The following UBA52 variants were observed in gnomAD, a reference collection of about 807,000 sequenced individuals.
UBA52 encodes the protein ubiquitin A-52 residue ribosomal protein fusion product 1.
UBA52 carries 1 observed loss-of-function variant against 15.3 expected under a neutral mutation model. The ratio of observed to expected loss-of-function variants is 0.07; its 90% confidence interval spans 0.02 to 0.31. The LOEUF is 0.31. Ranked by LOEUF, UBA52 falls within the 10% of genes least tolerant of loss-of-function variation. The pLI is 1.00. For synonymous variants in UBA52, 50 were observed against 58.3 expected, an observed-to-expected ratio of 0.86 and a Z score of 0.65; for missense variants, 87 against 168.0, an observed-to-expected ratio of 0.52 and a Z score of 2.66.
upstream of UBA52, chr19:18,567,250 C>A: frequency 6.8e-7 from 1 of 1,478,008 alleles, no homozygotes; most frequent in South Asian, 1.1e-5. Flanking sequence ...TCTGGAAGGC[C>A]ACCTTGGGGC....
In UBA52 at chr19:18,575,992, C is replaced by G. The variant is rs906908809; in HGVS notation, c.*842C>G. ...CGATCTCCTGACCTTGTGATCCATT[C>G]GCCTTGGCCTCCCAGAATGCTGGTA... On this transcript the variant is annotated 3_prime_UTR_variant, in exon 5 of 5. Coordinates refer to ENST00000442744, the MANE Select transcript of UBA52 (RefSeq NM_001033930.3). 2 of 152,258 alleles carry G rather than the reference C, an allele frequency of 1.3e-5. No individual in the cohort carries two copies. Among genetic ancestry groups the G allele is most frequent in the African/African-American group, 4.8e-5 (2 of 41,436 alleles). 9.4% of individuals were successfully genotyped at this position (152,258 alleles called of 1,614,324 possible).
chr19:18,568,794 G>A, upstream of UBA52: 1 of 599,770 alleles, frequency 1.7e-6, no homozygotes, highest in African/African-American at 2.0e-5. Flanking sequence ...TGGAATTCCT[G>A]GGGGGGTCTT....
intron 3 of UBA52, among the ~76,000 whole-genome samples, chr19:18,574,544 G>C (rs1350784065): frequency 6.6e-6 from 1 of 152,118 alleles, no homozygotes; most frequent in East Asian, 1.9e-4. Flanking sequence ...GTGAGCCATG[G>C]TGCCCCGCCT....
chr19:18,566,080 C>T, the UBA52 span, among the ~76,000 whole-genome samples: 1,285 of 152,310 alleles, frequency 8.4e-3, 21 homozygotes, highest in African/African-American at 0.028. Context: ...ATCCATCCAC[C>T]TCGACCTCCC....
At chr19:18,568,852 C>T (rs958393406), upstream of UBA52, 49 of 564,314 alleles carry the variant, frequency 8.7e-5, no homozygotes, top group African/African-American at 8.4e-4. Context: ...CTGCAAGACC[C>T]CTCTGCCATG....
At chr19:18,573,873 G>C in intron 3 of UBA52, 125 bp downstream of exon 3, 1 of 891,414 alleles carries the variant, frequency 1.1e-6, no homozygotes, top group Middle Eastern at 2.2e-4. Flanking sequence ...TAATGGGACT[G>C]GGCACAGTGG....
chr19:18,573,871 C>T lies in UBA52; in HGVS notation c.190+123C>T, dbSNP rs191234720. The T allele has an allele frequency of 3.2e-6, 3 of 931,048 alleles. No homozygotes were observed. In the Admixed American group the frequency reaches 7.5e-5, roughly 23 times the overall value. The allele number at this position is 931,048 out of a possible 1,614,324, so 57.7% of individuals were successfully genotyped here. On this transcript the variant is annotated intron_variant, in intron 3 of 4. Coordinates refer to ENST00000442744, the MANE Select transcript of UBA52 (RefSeq NM_001033930.3). ...TTGTGTTTTGTTTAAAATAATGGGA[C>T]TGGGCACAGTGGCTCATGCCTGTAA... is the stretch of plus-strand genomic sequence containing the variant.
At position 18,573,266 on chromosome 19, in the gene UBA52, T is replaced by C. The variant is rs1568428171; in HGVS notation, c.-8-27T>C. On this transcript the variant is annotated intron_variant, in intron 1 of 4. Coordinates refer to ENST00000442744, the MANE Select transcript of UBA52 (RefSeq NM_001033930.3). ...TACTCAGGCATGCATTGCTCACCAGTCTATCCTGCCTCCCTTCCTCCTGCA... is the reference window on the plus strand; with the variant it reads ...TACTCAGGCATGCATTGCTCACCAGCCTATCCTGCCTCCCTTCCTCCTGCA... 4.4e-6 allele frequency: 7 copies of C among 1,605,874 alleles called. No homozygotes were observed. The Middle Eastern group carries it at 8.3e-4, about 190-fold the overall frequency.
chr19:18,572,207 C>T (rs1975526088), intron 1 of UBA52: 2 of 152,274 alleles, frequency 1.3e-5, no homozygotes, highest in South Asian at 4.1e-4. Flanking sequence ...TTAACTCTGC[C>T]AGTCACTGCG....
the UBA52 span, chr19:18,564,867 A>G: frequency 6.2e-7 from 1 of 1,613,544 alleles, no homozygotes; most frequent in Non-Finnish European, 8.5e-7. Flanking sequence ...CTCCACCATC[A>G]GGCTGGACCG....
upstream of UBA52, chr19:18,571,661 G>C (rs986369181): frequency 4.6e-5 from 7 of 152,300 alleles, no homozygotes; most frequent in African/African-American, 1.7e-4. Context: ...ATCGTCTCAA[G>C]TGACTCGGCG....
intron 2 of UBA52, 22 bp downstream of exon 2, chr19:18,573,425 G>T: frequency 6.2e-7 from 1 of 1,600,420 alleles, no homozygotes; most frequent in South Asian, 1.1e-5. Context: ...TGGGTGTGGG[G>T]GCTCTGGCTG....
Position 18,575,571 on chromosome 19 carries a change from G to A in UBA52, c.*421G>A. On this transcript the variant is annotated 3_prime_UTR_variant, in exon 5 of 5. Transcript: ENST00000442744. Reference sequence around the variant, plus strand: ...GGTAGAAAATTAGGTACACCCAATGGTGTAGAACGTTGATTCTCAAATTTT... The same window carrying A: ...GGTAGAAAATTAGGTACACCCAATGATGTAGAACGTTGATTCTCAAATTTT... 1 of 209,316 alleles carries A rather than the reference G, an allele frequency of 4.8e-6. No individual in the cohort carries two copies. The highest frequency in any genetic ancestry group is 7.7e-5 in the South Asian group (1 of 13,046). 13.0% of individuals were successfully genotyped at this position (209,316 alleles called of 1,614,324 possible). A position where few individuals can be genotyped will look rare whatever the true frequency, so the allele number is the denominator to read the frequency against.
upstream of UBA52, among the ~76,000 whole-genome samples, chr19:18,571,066 T>C (rs1975461927): frequency 2.7e-5 from 4 of 148,938 alleles, no homozygotes; most frequent in Admixed American, 2.0e-4. Context: ...ATCCCAGCAC[T>C]TTGGGAGGCC....
At position 18,575,688 on chromosome 19, in the gene UBA52, T is replaced by G. The variant is rs1180832465; in HGVS notation, c.*538T>G. ...ATCCGCCCATCTCAGCCCCTCAAAG[T>G]GTTGGGATTACAAGCAAGAACTGCC... On this transcript the variant is annotated 3_prime_UTR_variant, in exon 5 of 5. Coordinates refer to ENST00000442744, the MANE Select transcript of UBA52 (RefSeq NM_001033930.3). 6.1e-6 allele frequency: 1 copy of G among 162,626 alleles called. No individual in the cohort carries two copies. Among genetic ancestry groups the G allele is most frequent in the East Asian group, 1.8e-4 (1 of 5,480 alleles). The allele number at this position is 162,626 out of a possible 1,614,324, so 10.1% of individuals were successfully genotyped here. A position where few individuals can be genotyped will look rare whatever the true frequency, so the allele number is the denominator to read the frequency against.
rs774082003 is a variant in UBA52, at chr19:18,573,422, G to C, written c.103+19G>C. 1 of 1,603,064 alleles carries C rather than the reference G, an allele frequency of 6.2e-7. No individual in the cohort carries two copies. The highest frequency in any genetic ancestry group is 8.5e-7 in the Non-Finnish European group (1 of 1,171,094). Reference sequence around the variant, plus strand: ...AAGGAGGGTGAGTAGGGCTGGGTGTGGGGGCTCTGGCTGTGAACTGGGAGT... The same window carrying C: ...AAGGAGGGTGAGTAGGGCTGGGTGTCGGGGCTCTGGCTGTGAACTGGGAGT... On this transcript the variant is annotated intron_variant, in intron 2 of 4. Transcript: ENST00000442744.
Position 18,575,040 on chromosome 19 carries a change from C to G in UBA52, c.294-17C>G. 2 of 1,614,242 alleles carry G rather than the reference C, an allele frequency of 1.2e-6. No individual in the cohort carries two copies. The highest frequency in any genetic ancestry group is 8.5e-7 in the Non-Finnish European group (1 of 1,180,038). On this transcript the variant is annotated splice_polypyrimidine_tract_variant and intron_variant, in intron 4 of 4. Coordinates refer to ENST00000442744, the MANE Select transcript of UBA52 (RefSeq NM_001033930.3). Reference sequence around the variant, plus strand: ...AGTCGGGGTATGCCCTCACCCACCCCTCCTGTCTCTGTGCAGGTGCTATGC... The same window carrying G: ...AGTCGGGGTATGCCCTCACCCACCCGTCCTGTCTCTGTGCAGGTGCTATGC...
At chr19:18,573,048 C>G (rs910975750) in intron 1 of UBA52, 6 of 1,328,512 alleles carry the variant, frequency 4.5e-6, no homozygotes, top group Non-Finnish European at 4.9e-6. Context: ...GAAGAGCACC[C>G]GTGCGGTCAG....
upstream of UBA52, chr19:18,567,397 G>A (rs1216130742): frequency 9.2e-6 from 6 of 652,966 alleles, no homozygotes; most frequent in East Asian, 5.4e-5. Flanking sequence ...CCGTGGGGAG[G>A]CCGCACAGGA....
Sources: allele counts gnomAD v4.1 joint callset (sites outside exome capture counted in the v4.1 genomes callset), GRCh38; gene constraint gnomAD v4.1.1; transcripts MANE v1.5; gene names NCBI Gene and HGNC (gene_info 2026-07-23, HGNC 2026-07-21).